Variants in ERCC6 observed in about 807,000 individuals in gnomAD.
The protein encoded by ERCC6 is ERCC excision repair 6, chromatin remodeling factor.
ERCC6 carries 116 observed loss-of-function variants against 158.7 expected under a neutral mutation model. The ratio of observed to expected loss-of-function variants is 0.73; its 90% CI spans 0.63 to 0.85. ERCC6 has a LOEUF of 0.85. Among genes scored for constraint, ERCC6 ranks in the 40% least tolerant of loss-of-function variants. The pLI, the probability that ERCC6 is intolerant of heterozygous loss-of-function variation, is 0.00. For missense variants in ERCC6, 1,698 were observed against 1,799.4 expected (o/e 0.94, Z 1.02); for synonymous variants, 678 against 659.3 (o/e 1.03, Z -0.43).
chr10:49,455,479 G>A lies in ERCC6; in HGVS notation c.*3336C>T, dbSNP rs1429899630. 3 of 152,196 alleles carry A rather than the reference G, an allele frequency of 2.0e-5. No homozygotes were observed. Among genetic ancestry groups the A allele is most frequent in the Admixed American group, 6.5e-5 (1 of 15,276 alleles). The allele number at this position is 152,196 out of a possible 1,614,324, so 9.4% of individuals were successfully genotyped here. On this transcript the variant is annotated 3_prime_UTR_variant, in exon 21 of 21. Coordinates refer to ENST00000355832, the MANE Select transcript of ERCC6 (RefSeq NM_000124.4). ...GAGGGGGAGAAAGGAAAAGGAACTTGCCCATGAATGGCAAAACACAATGCA... is the reference window on the plus strand; with the variant it reads ...GAGGGGGAGAAAGGAAAAGGAACTTACCCATGAATGGCAAAACACAATGCA...
chr10:49,484,437 A>T lies in ERCC6; in HGVS notation c.1822-921T>A, dbSNP rs1851041230. ...TAGACATATCTTACTAGATGTCTGA[A>T]TTCCAAAAATAAATAAAAACAGCCA... On this transcript the variant is annotated intron_variant, in intron 8 of 20. Coordinates refer to ENST00000355832, the MANE Select transcript of ERCC6 (RefSeq NM_000124.4). 3.3e-5 allele frequency among the ~76,000 whole-genome samples: 5 copies of T among 152,156 alleles called. No homozygotes were observed. The South Asian group carries it at 1.0e-3, about 31-fold the overall frequency.
At chr10:49,447,305 T>A in the ERCC6 span, among the ~76,000 whole-genome samples, 2 of 152,208 alleles carry the variant, frequency 1.3e-5, no homozygotes, top group African/African-American at 4.8e-5. Context: ...CAGCAGCCTT[T>A]AGTACATTCA....
In ERCC6 at chr10:49,458,789, C is replaced by G. The variant is rs2132523362; in HGVS notation, c.*26G>C. On this transcript the variant is annotated 3_prime_UTR_variant, in exon 21 of 21. Transcript: ENST00000355832. Reference sequence around the variant, plus strand: ...CAGAAATGCCCGTTAGAAAAAGGGACTTGAAAGTTTAGGAAGCAATGTTGT... The same window carrying G: ...CAGAAATGCCCGTTAGAAAAAGGGAGTTGAAAGTTTAGGAAGCAATGTTGT... The G allele has an allele frequency of 3.1e-6, 5 of 1,612,750 alleles. No homozygotes were observed. Among genetic ancestry groups the G allele is most frequent in the East Asian group, 2.2e-5 (1 of 44,882 alleles).
chr10:49,436,326 T>C, the ERCC6 span, among the ~76,000 whole-genome samples: 1 of 152,046 alleles, frequency 6.6e-6, no homozygotes, highest in Non-Finnish European at 1.5e-5. Flanking sequence ...AGCAATAAAA[T>C]AAAAGATTGA....
At chr10:49,536,739 C>T (rs530957881) in intron 1 of ERCC6, among the ~76,000 whole-genome samples, 5 of 152,222 alleles carry the variant, frequency 3.3e-5, no homozygotes, top group Admixed American at 3.3e-4. Flanking sequence ...CAGGGCTGAA[C>T]AATCTCCTCC....
chr10:49,515,341 T>C (rs1339338972), intron 5 of ERCC6: 2 of 1,608,440 alleles, frequency 1.2e-6, no homozygotes, highest in Non-Finnish European at 1.7e-6. Flanking sequence ...TGCTATTCAG[T>C]GTGATATTCA....
downstream of ERCC6, among the ~76,000 whole-genome samples, chr10:49,451,931 G>C (rs1247332330): frequency 6.6e-6 from 1 of 152,072 alleles, no homozygotes; most frequent in Non-Finnish European, 1.5e-5. Context: ...GGTCTATTCA[G>C]ATTGCCCATT....
At chr10:49,478,586 TAAAGTC>T in intron 10 of ERCC6, 116 bp from the exon 11 acceptor site, 2 of 750,066 alleles carry the variant, frequency 2.7e-6, no homozygotes, top group Non-Finnish European at 2.4e-6. Flanking sequence ...AACAGCTGTA[TAAAGTC>T]AGTGGGAAAT....
intron 1 of ERCC6, among the ~76,000 whole-genome samples, chr10:49,533,961 C>T (rs1837532154): frequency 6.6e-6 from 1 of 151,590 alleles, no homozygotes; most frequent in Non-Finnish European, 1.5e-5. Flanking sequence ...TGGTGAAACC[C>T]GATCTCTACT....
intron 5 of ERCC6, among the ~76,000 whole-genome samples, chr10:49,521,089 C>T (rs1033406693): frequency 4.6e-5 from 7 of 152,226 alleles, no homozygotes; most frequent in Admixed American, 4.6e-4. Flanking sequence ...AGTCTATTAA[C>T]AGACTGCAAA....
intron 18 of ERCC6, among the ~76,000 whole-genome samples, chr10:49,463,865 C>A (rs78952611): frequency 0.015 from 2,230 of 152,314 alleles, 46 homozygotes; most frequent in African/African-American, 0.05. Context: ...CACAGCCACA[C>A]AGAACTGTAA....
At chr10:49,496,766 C>T (rs1224650747) in intron 7 of ERCC6, among the ~76,000 whole-genome samples, 1 of 152,148 alleles carries the variant, frequency 6.6e-6, no homozygotes, top group East Asian at 1.9e-4. Context: ...TGAGATTGTG[C>T]CACTGCACTC....
At chr10:49,461,281 C>T (rs988917406) in intron 19 of ERCC6, 71 bp downstream of exon 19, 2 of 1,476,032 alleles carry the variant, frequency 1.4e-6, no homozygotes, top group Non-Finnish European at 1.9e-6. Context: ...AGCCTCCACA[C>T]CTGCCCTGAT....
chr10:49,446,806 T>C, the ERCC6 span, among the ~76,000 whole-genome samples: 1 of 152,172 alleles, frequency 6.6e-6, no homozygotes. Context: ...AGTGAAACTA[T>C]GTCTCAAAAA....
At chr10:49,515,742 T>G in intron 5 of ERCC6, 1 of 1,614,198 alleles carries the variant, frequency 6.2e-7, no homozygotes. Context: ...TCCCATGAAC[T>G]GGTTATACAC....
Position 49,457,206 on chromosome 10 carries a change from A to C in ERCC6, c.*1609T>G, listed in dbSNP as rs184733981. On this transcript the variant is annotated 3_prime_UTR_variant, in exon 21 of 21. Coordinates refer to ENST00000355832, the MANE Select transcript of ERCC6 (RefSeq NM_000124.4). ...AGGAGTTTTGACTTTCTTCTAAGCC[A>C]AGTACTCAAGTTTAAGACTTATTGG... is the stretch of plus-strand genomic sequence containing the variant. 1.6e-4 allele frequency: 24 copies of C among 152,324 alleles called. No individual in the cohort carries two copies. The highest frequency in any genetic ancestry group is 1.3e-3 in the Admixed American group (20 of 15,304). The allele number at this position is 152,324 out of a possible 1,614,324, so 9.4% of individuals were successfully genotyped here.
chr10:49,511,147 G>A (rs1303092932), intron 5 of ERCC6, among the ~76,000 whole-genome samples: 3 of 152,120 alleles, frequency 2.0e-5, no homozygotes, highest in Non-Finnish European at 4.4e-5. Flanking sequence ...CCTCTGTAAG[G>A]AGCCTGGTTT....
chr10:49,467,455 A>T (rs1850697310), intron 18 of ERCC6, among the ~76,000 whole-genome samples: 1 of 152,122 alleles, frequency 6.6e-6, no homozygotes, highest in Non-Finnish European at 1.5e-5. Flanking sequence ...TCTAATTGGC[A>T]TTTCCCTAAT....
intron 2 of ERCC6, among the ~76,000 whole-genome samples, chr10:49,531,465 C>T (rs571601950): frequency 6.6e-6 from 1 of 152,268 alleles, no homozygotes; most frequent in Admixed American, 6.5e-5. Flanking sequence ...CTGTTTGTAT[C>T]CTCTGTGGAT....
Sources: allele counts gnomAD v4.1 joint callset (sites outside exome capture counted in the v4.1 genomes callset), GRCh38; gene constraint gnomAD v4.1.1; transcripts MANE v1.5; gene names NCBI Gene and HGNC (gene_info 2026-07-23, HGNC 2026-07-21).